RAB11FIP5: variants seen among roughly 807,000 people sequenced by gnomAD.
RAB11FIP5 encodes RAB11 family interacting protein 5, also known as rab11 family-interacting protein 5.
In RAB11FIP5, 48 loss-of-function variants were observed where a neutral mutation model predicts 85.1. The ratio of observed to expected loss-of-function variants is 0.56; its 90% CI spans 0.45 to 0.72. The LOEUF (loss-of-function observed/expected upper bound fraction) is 0.72. Ranked by LOEUF, RAB11FIP5 falls within the 30% of genes least tolerant of loss-of-function variation. RAB11FIP5 has a pLI of 0.00. For synonymous variants in RAB11FIP5, 729 were observed against 727.3 expected (o/e 1.00, Z -0.04); for missense variants, 1,491 against 1,687.0 (o/e 0.88, Z 2.04).
intron 1 of RAB11FIP5, 103 bp downstream of exon 1, chr2:73,112,244 G>GC (rs1684672374): frequency 7.8e-7 from 1 of 1,279,732 alleles, no homozygotes; most frequent in Non-Finnish European, 1.0e-6. Flanking sequence ...TAAGCACGAG[G>GC]CAAGGGCTCA....
Position 73,080,184 on chromosome 2 carries a change from C to T in RAB11FIP5, c.3048G>A (p.Gln1016=), listed in dbSNP as rs1386427102. ...CHSKSLALQS[Q]HIWGTPEVGE... Reference sequence around the variant, plus strand: ...CAACCTCTGGAGTCCCCCAGATGTGCTGACTCTGAAGAGCCAAGCTCTTTG... The same window carrying T: ...CAACCTCTGGAGTCCCCCAGATGTGTTGACTCTGAAGAGCCAAGCTCTTTG... The change falls in exon 4 of 6, where the codon CAG becomes CAA. Residue 1016 remains glutamine (Q), a synonymous_variant. Coordinates refer to ENST00000486777, the MANE Select transcript of RAB11FIP5 (RefSeq NM_001371272.1). 19 of 1,232,142 alleles carry T rather than the reference C, an allele frequency of 1.5e-5. 1 individual carries two copies. Among genetic ancestry groups the T allele is most frequent in the African/African-American group, 1.6e-5 (1 of 64,382 alleles). 76.3% of individuals were successfully genotyped at this position (1,232,142 alleles called of 1,614,324 possible).
rs529018873 is a variant in RAB11FIP5, at chr2:73,086,443, A to G, written c.1568+1607T>C. On this transcript the variant is annotated intron_variant, in intron 3 of 5. Transcript: ENST00000486777. This position sits in a 1 kb window ranked among gnomAD's most constrained non-coding sequence, Gnocchi z 4.4. ...TGCCCCAGGCCAGTGACAACCCCACAGACTCACAGCCTGTGGGAGTCCAAG... is the reference window on the plus strand; with the variant it reads ...TGCCCCAGGCCAGTGACAACCCCACGGACTCACAGCCTGTGGGAGTCCAAG... Among the ~76,000 whole-genome samples the G allele has an allele frequency of 6.6e-6, 1 of 152,294 alleles. No individual in the cohort carries two copies. The highest frequency in any genetic ancestry group is 2.4e-5 in the African/African-American group (1 of 41,568).
At chr2:73,101,703 T>C (rs1462645384) in intron 1 of RAB11FIP5, among the ~76,000 whole-genome samples, 8 of 152,124 alleles carry the variant, frequency 5.3e-5, no homozygotes. Context: ...GCCCCTGTGC[T>C]TACCAACACC....
Position 73,080,040 on chromosome 2 carries a change from G to A in RAB11FIP5, c.3192C>T (p.Asn1064=). ...DVWVSKEDAL[N]PFLFQGSRDP... ...CTCGGCTCCCCTGAAACAAGAAGGG[G>A]TTCAAGGCATCTTCCTTGGAGACCC... The change falls in exon 4 of 6, where the codon AAC becomes AAT. Residue 1064 remains asparagine, a synonymous_variant. Coordinates refer to ENST00000486777, the MANE Select transcript of RAB11FIP5 (RefSeq NM_001371272.1). 1 of 1,232,218 alleles carries A rather than the reference G, an allele frequency of 8.1e-7. No individual in the cohort carries two copies. The highest frequency in any genetic ancestry group is 1.0e-6 in the Non-Finnish European group (1 of 988,058). 76.3% of individuals were successfully genotyped at this position (1,232,218 alleles called of 1,614,324 possible). A position where few individuals can be genotyped will look rare whatever the true frequency, so the allele number is the denominator to read the frequency against.
chr2:73,101,972 C>T (rs1684438380), intron 1 of RAB11FIP5, among the ~76,000 whole-genome samples: 1 of 152,198 alleles, frequency 6.6e-6, no homozygotes, highest in South Asian at 2.1e-4. Context: ...AAGACAGCCA[C>T]ATAGCTAACG....
In RAB11FIP5 at chr2:73,079,681, C is replaced by T. The variant is rs1029039077; in HGVS notation, c.3551G>A (p.Arg1184Gln). 39 of 1,233,226 alleles carry T rather than the reference C, an allele frequency of 3.2e-5. No individual in the cohort carries two copies. Among genetic ancestry groups the T allele is most frequent in the South Asian group, 4.1e-5 (1 of 24,352 alleles). The allele number at this position is 1,233,226 out of a possible 1,614,324, so 76.4% of individuals were successfully genotyped here. The change falls in exon 4 of 6, where the codon CGA becomes CAA. Residue 1184 changes from arginine to glutamine, a missense_variant. Coordinates refer to ENST00000486777, the MANE Select transcript of RAB11FIP5 (RefSeq NM_001371272.1). The part of the protein sequence containing the change: ...SPLVLLPLET[R>Q]PAEEPQPSAS... Reference sequence around the variant, plus strand: ...ACTGGGCTGTGGCTCCTCAGCTGGTCGTGTCTCCAAGGGCAGAAGCACAAG... The same window carrying T: ...ACTGGGCTGTGGCTCCTCAGCTGGTTGTGTCTCCAAGGGCAGAAGCACAAG...
intron 1 of RAB11FIP5, among the ~76,000 whole-genome samples, chr2:73,095,127 T>C (rs1216455272): frequency 6.6e-6 from 1 of 152,106 alleles, no homozygotes; most frequent in African/African-American, 2.4e-5. Flanking sequence ...ACTTCATCTC[T>C]CTGTCAGGGG....
In RAB11FIP5 at chr2:73,089,153, C is replaced by A; in HGVS notation, c.594G>T (p.Lys198Asn). 1.9e-6 allele frequency: 3 copies of A among 1,614,232 alleles called. No individual in the cohort carries two copies. Among genetic ancestry groups the A allele is most frequent in the Non-Finnish European group, 2.5e-6 (3 of 1,180,038 alleles). ...SPFSKIRDKM[K>N]GKKKYDLESA... is the part of the protein sequence containing the mutation. ...ATTCCAGATCATACTTCTTCTTGCCCTTCATCTTGTCCCTGATCTTGCTGA... is the reference window on the plus strand; with the variant it reads ...ATTCCAGATCATACTTCTTCTTGCCATTCATCTTGTCCCTGATCTTGCTGA... Residue 198 changes from lysine (K) to asparagine (N), a missense_variant, in exon 2 of 6, where the codon AAG becomes AAT. Physicochemically the swap from Lys to Asn is moderately conservative, Grantham distance 94. Coordinates refer to ENST00000486777, the MANE Select transcript of RAB11FIP5 (RefSeq NM_001371272.1). The surrounding 1 kb of genome is among the most constrained non-coding windows in gnomAD (Gnocchi z 4.6).
Position 73,089,413 on chromosome 2 carries a change from G to A in RAB11FIP5, c.432-98C>T, listed in dbSNP as rs554874522. ...CTGCCCAGACCCCTCCTTGCTCTGA[G>A]AGCCACTGATAGCCTCTCCCCAAAG... On this transcript the variant is annotated intron_variant, in intron 1 of 5. Coordinates refer to ENST00000486777, the MANE Select transcript of RAB11FIP5 (RefSeq NM_001371272.1). The surrounding 1 kb of genome is among the most constrained non-coding windows in gnomAD (Gnocchi z 4.6). The A allele has an allele frequency of 8.0e-7, 1 of 1,247,542 alleles. No individual in the cohort carries two copies. The highest frequency in any genetic ancestry group is 1.2e-6 in the Non-Finnish European group (1 of 859,422). 77.3% of individuals were successfully genotyped at this position (1,247,542 alleles called of 1,614,324 possible).
At chr2:73,091,282 C>A (rs927034755) in intron 1 of RAB11FIP5, among the ~76,000 whole-genome samples, 3 of 152,194 alleles carry the variant, frequency 2.0e-5, no homozygotes, top group African/African-American at 7.2e-5. Flanking sequence ...CTTAGCAACA[C>A]TGGGCACCAC....
rs1683821547 is a variant in RAB11FIP5, at chr2:73,074,847, G to A, written c.*674C>T. 4.0e-6 allele frequency: 1 copy of A among 251,626 alleles called. No individual in the cohort carries two copies. The highest frequency in any genetic ancestry group is 7.9e-6 in the Non-Finnish European group (1 of 126,590). The allele number at this position is 251,626 out of a possible 1,614,324, so 15.6% of individuals were successfully genotyped here. ...ATTCCCATGTGACACTCGTGGAAAG[G>A]TCAGAGGGGTCAGGGAGCAGCCTGA... On this transcript the variant is annotated 3_prime_UTR_variant, in exon 6 of 6. Transcript: ENST00000486777.
In RAB11FIP5 at chr2:73,080,742, A is replaced by G; in HGVS notation, c.2490T>C (p.Asp830=). The stretch of plus-strand genomic sequence containing the variant: ...TGACCACATCCCAAGGCCAGGCATC[A>G]TCAGCTGTCTCGACGTCAGGGCAAA... ...NQLCPDVETA[D]DAWPWDVVTI... Residue 830 remains aspartate (D), a synonymous_variant, in exon 4 of 6, where the codon GAT becomes GAC. Coordinates refer to ENST00000486777, the MANE Select transcript of RAB11FIP5 (RefSeq NM_001371272.1). The G allele has an allele frequency of 8.1e-7, 1 of 1,232,572 alleles. No homozygotes were observed. Among genetic ancestry groups the G allele is most frequent in the Non-Finnish European group, 1.0e-6 (1 of 988,092 alleles). 76.4% of individuals were successfully genotyped at this position (1,232,572 alleles called of 1,614,324 possible).
At chr2:73,111,851 C>T (rs909805405) in intron 1 of RAB11FIP5, among the ~76,000 whole-genome samples, 1 of 152,164 alleles carries the variant, frequency 6.6e-6, no homozygotes, top group African/African-American at 2.4e-5. Context: ...CCAGCTTCTA[C>T]GTTTAGCGGG....
rs1162751481 is a variant in RAB11FIP5 at position 73,088,036 on chromosome 2, T to G, written c.1568+14A>C. ...CCTCCCCAAGGAGCAAAGTTGGTCTTGCCAACGACTTACCTGGGTTTCTGA... is the reference window on the plus strand; with the variant it reads ...CCTCCCCAAGGAGCAAAGTTGGTCTGGCCAACGACTTACCTGGGTTTCTGA... On this transcript the variant is annotated intron_variant, in intron 3 of 5. Transcript: ENST00000486777. 1 of 1,573,170 alleles carries G rather than the reference T, an allele frequency of 6.4e-7. No individual in the cohort carries two copies. Among genetic ancestry groups the G allele is most frequent in the Admixed American group, 1.8e-5 (1 of 56,782 alleles).
At position 73,081,683 on chromosome 2, in the gene RAB11FIP5, C is replaced by T. The variant is rs888133945; in HGVS notation, c.1569-20G>A. 5.4e-5 allele frequency: 67 copies of T among 1,231,620 alleles called. No individual in the cohort carries two copies. Among genetic ancestry groups the T allele is most frequent in the Non-Finnish European group, 2.5e-5 (25 of 987,644 alleles). 76.3% of individuals were successfully genotyped at this position (1,231,620 alleles called of 1,614,324 possible). On this transcript the variant is annotated intron_variant, in intron 3 of 5. Coordinates refer to ENST00000486777, the MANE Select transcript of RAB11FIP5 (RefSeq NM_001371272.1). The surrounding 1 kb of genome is among the most constrained non-coding windows in gnomAD (Gnocchi z 4.2). Reference sequence around the variant, plus strand: ...TCCAGGCTGTGGAGGGAGACAAAACCGTGAGCCTCCTGGTTAATGCCAAGA... The same window carrying T: ...TCCAGGCTGTGGAGGGAGACAAAACTGTGAGCCTCCTGGTTAATGCCAAGA...
rs1169176579 is a variant in RAB11FIP5 at position 73,073,536 on chromosome 2, A to C, written c.*1985T>G. The C allele has an allele frequency of 6.6e-6, 1 of 152,480 alleles. No homozygotes were observed. The highest frequency in any genetic ancestry group is 6.5e-5 in the Admixed American group (1 of 15,280). 9.4% of individuals were successfully genotyped at this position (152,480 alleles called of 1,614,324 possible). ...CAACTTTCCTCCAAGTGTGGCTAGG[A>C]GAAGAAACATCAACAAGGACCCTGG... On this transcript the variant is annotated 3_prime_UTR_variant, in exon 6 of 6. Transcript: ENST00000486777.
At chr2:73,084,549 A>C (rs1328382767) in intron 3 of RAB11FIP5, among the ~76,000 whole-genome samples, 1 of 152,194 alleles carries the variant, frequency 6.6e-6, no homozygotes, top group Admixed American at 6.5e-5. Flanking sequence ...CTGCCCCTTC[A>C]ACCTGAGGGA....
chr2:73,086,508 C>T lies in RAB11FIP5; in HGVS notation c.1568+1542G>A, dbSNP rs1292141913. ...AGGACTCACCTACAAATGGCCCCAG[C>T]ATTCACCTTGCCCCAGAAAAGGCCC... On this transcript the variant is annotated intron_variant, in intron 3 of 5. Coordinates refer to ENST00000486777, the MANE Select transcript of RAB11FIP5 (RefSeq NM_001371272.1). This position sits in a 1 kb window ranked among gnomAD's most constrained non-coding sequence, Gnocchi z 4.4. Among the ~76,000 whole-genome samples, 2 of 152,208 alleles carry T rather than the reference C, an allele frequency of 1.3e-5. No individual in the cohort carries two copies. Among genetic ancestry groups the T allele is most frequent in the Non-Finnish European group, 2.9e-5 (2 of 68,036 alleles).
chr2:73,094,053 G>A lies in RAB11FIP5; in HGVS notation c.432-4738C>T, dbSNP rs544361784. Reference sequence around the variant, plus strand: ...TGAGAATCACTTGAACCTGGGAAGCGGAAGTTGCAGTGAGCCAAGATTATA... The same window carrying A: ...TGAGAATCACTTGAACCTGGGAAGCAGAAGTTGCAGTGAGCCAAGATTATA... On this transcript the variant is annotated intron_variant, in intron 1 of 5. Coordinates refer to ENST00000486777, the MANE Select transcript of RAB11FIP5 (RefSeq NM_001371272.1). Among the ~76,000 whole-genome samples, 158 of 149,984 alleles carry A rather than the reference G, an allele frequency of 1.1e-3. 1 individual carries two copies. In the South Asian group the frequency reaches 0.014, roughly 14 times the overall value.
Sources: allele counts gnomAD v4.1 joint callset (sites outside exome capture counted in the v4.1 genomes callset), GRCh38; gene constraint gnomAD v4.1.1; non-coding constraint Gnocchi (gnomAD v3.1); transcripts MANE v1.5; gene names NCBI Gene and HGNC (gene_info 2026-07-23, HGNC 2026-07-21).